ZBTB44: variants seen among roughly 807,000 people sequenced by gnomAD.
The protein encoded by ZBTB44 is zinc finger and BTB domain containing 44, also known as zinc finger and BTB domain-containing protein 44.
A neutral mutation model predicts 54.0 loss-of-function variants in ZBTB44; 15 were observed. That is an observed-to-expected ratio of 0.28 (90% confidence interval 0.19 to 0.43). The LOEUF is 0.43. Ranked by LOEUF, ZBTB44 falls within the 20% of genes least tolerant of loss-of-function variation. The probability of loss-of-function intolerance (pLI) is 1.00; values close to 1 mark genes in which losing one functional copy is unlikely to be tolerated. For synonymous variants in ZBTB44, 230 were observed against 250.1 expected (o/e 0.92, Z 0.76); for missense variants, 487 against 707.1 (o/e 0.69, Z 3.53).
intron 2 of ZBTB44, among the ~76,000 whole-genome samples, chr11:130,258,537 A>G (rs1938610545): frequency 6.6e-6 from 1 of 152,230 alleles, no homozygotes; most frequent in Non-Finnish European, 1.5e-5. Flanking sequence ...GATAAAATCC[A>G]AGCTTACTTG....
At chr11:130,269,883 C>G (rs932423310) in intron 1 of ZBTB44, among the ~76,000 whole-genome samples, 5 of 152,052 alleles carry the variant, frequency 3.3e-5, no homozygotes, top group African/African-American at 4.8e-5. Flanking sequence ...ATAAAGCAAG[C>G]ATTCAATAAA....
chr11:130,289,706 C>A (rs548711134), intron 1 of ZBTB44, among the ~76,000 whole-genome samples: 1 of 152,162 alleles, frequency 6.6e-6, no homozygotes, highest in African/African-American at 2.4e-5. Flanking sequence ...GGAGAGCCAG[C>A]CTAAGGATGG....
intron 1 of ZBTB44, among the ~76,000 whole-genome samples, chr11:130,286,197 A>C (rs958976982): frequency 1.3e-5 from 2 of 152,158 alleles, no homozygotes; most frequent in East Asian, 1.9e-4. Flanking sequence ...AAAAATCACC[A>C]ATGGGCCAGA....
At chr11:130,241,845 T>C (rs889996149) in intron 2 of ZBTB44, among the ~76,000 whole-genome samples, 4 of 152,242 alleles carry the variant, frequency 2.6e-5, no homozygotes, top group African/African-American at 9.6e-5. Flanking sequence ...GTTGACTTTG[T>C]GACCGAATGT....
rs1953848355 is a variant in ZBTB44, at chr11:130,230,760, T to C, written c.*1004A>G. ...AGACCAATATTAATCTCTTTATTTCTGAATGAGATGAAATCACTGACATGT... is the reference window on the plus strand; with the variant it reads ...AGACCAATATTAATCTCTTTATTTCCGAATGAGATGAAATCACTGACATGT... On this transcript the variant is annotated 3_prime_UTR_variant, in exon 8 of 8. Transcript: ENST00000357899. 1 of 152,092 alleles carries C rather than the reference T, an allele frequency of 6.6e-6. No individual in the cohort carries two copies. Among genetic ancestry groups the C allele is most frequent in the Non-Finnish European group, 1.5e-5 (1 of 67,946 alleles). The allele number at this position is 152,092 out of a possible 1,614,324, so 9.4% of individuals were successfully genotyped here.
At position 130,237,111 on chromosome 11, in the gene ZBTB44, C is replaced by A. The variant is rs745408413; in HGVS notation, c.1268-18G>T. On this transcript the variant is annotated intron_variant, in intron 4 of 7. Transcript: ENST00000357899. ...TTTAATTCCTGTAAATAAAGCAAAA[C>A]AAAATATCTAAAAACAAAAATAAAC... is the stretch of plus-strand genomic sequence containing the variant. The A allele has an allele frequency of 2.7e-6, 4 of 1,462,658 alleles. No homozygotes were observed. The highest frequency in any genetic ancestry group is 3.6e-6 in the Non-Finnish European group (4 of 1,102,840). The allele number at this position is 1,462,658 out of a possible 1,614,324, so 90.6% of individuals were successfully genotyped here. A position where few individuals can be genotyped will look rare whatever the true frequency, so the allele number is the denominator to read the frequency against.
chr11:130,296,813 T>C, intron 1 of ZBTB44: 3 of 750,580 alleles, frequency 4.0e-6, no homozygotes, highest in Non-Finnish European at 7.4e-6. Context: ...TATGAGGTTA[T>C]GATTCCCATT....
At chr11:130,288,524 C>T (rs1029360057) in intron 1 of ZBTB44, among the ~76,000 whole-genome samples, 14 of 152,104 alleles carry the variant, frequency 9.2e-5, no homozygotes, top group Non-Finnish European at 1.2e-4. Context: ...TTTAATCTCA[C>T]GTACTCTCTA....
At chr11:130,300,848 A>G (rs1941948801) in intron 1 of ZBTB44, among the ~76,000 whole-genome samples, 1 of 152,220 alleles carries the variant, frequency 6.6e-6, no homozygotes, top group Non-Finnish European at 1.5e-5. Context: ...GTGAGTAAAG[A>G]TAATTCATCA....
At chr11:130,301,473 G>A (rs1941983464) in intron 1 of ZBTB44, among the ~76,000 whole-genome samples, 1 of 152,130 alleles carries the variant, frequency 6.6e-6, no homozygotes, top group African/African-American at 2.4e-5. Context: ...GGGCAACATG[G>A]TAAGATCACG....
At chr11:130,253,638 T>C (rs1938204604) in intron 2 of ZBTB44, among the ~76,000 whole-genome samples, 1 of 152,098 alleles carries the variant, frequency 6.6e-6, no homozygotes, top group South Asian at 2.1e-4. Flanking sequence ...AAAATGGCCA[T>C]ACTGCCCAAG....
chr11:130,296,334 GTCT>G lies in ZBTB44; in HGVS notation c.-57+18038_-57+18040del, dbSNP rs1443872493. ...TAAGAAGAACCGAAAGAAGCTCGTG[GTCT>G]TCTTTTCATCTTGTATGTCCGTGAA... On this transcript the variant is annotated intron_variant, in intron 1 of 7. Transcript: ENST00000357899. 9.2e-6 allele frequency: 14 copies of G among 1,525,764 alleles called. No individual in the cohort carries two copies. The Admixed American group carries it at 2.6e-4, about 29-fold the overall frequency. 94.5% of individuals were successfully genotyped at this position (1,525,764 alleles called of 1,614,324 possible).
chr11:130,250,056 C>T (rs2136349350), intron 2 of ZBTB44, among the ~76,000 whole-genome samples: 1 of 152,306 alleles, frequency 6.6e-6, no homozygotes, highest in South Asian at 2.1e-4. Flanking sequence ...CTGAAGTTGA[C>T]CTGGGACGAT....
Position 130,239,816 on chromosome 11 carries a change from C to A in ZBTB44, c.1099G>T (p.Asp367Tyr). The A allele has an allele frequency of 1.2e-6, 2 of 1,609,930 alleles. No individual in the cohort carries two copies. Among genetic ancestry groups the A allele is most frequent in the South Asian group, 2.2e-5 (2 of 90,680 alleles). ...SSTNAPPDDD[D>Y]RLENVQYPYQ... is the part of the protein sequence containing the mutation. ...AAATGCTATGTTAGTACTGACCGAT[C>A]ATCATCATCCGGAGGAGCATTAGTG... The change falls in exon 3 of 8, where the codon GAT (aspartate) becomes TAT (tyrosine). Residue 367 changes from aspartate (D) to tyrosine (Y), a missense_variant. By Grantham distance (160) the Asp-to-Tyr change is radical. This residue lies in a region of ZBTB44 where 277 missense variants were observed against 306.5 expected (regional missense o/e 0.90). Transcript: ENST00000357899.
intron 1 of ZBTB44, among the ~76,000 whole-genome samples, chr11:130,300,317 A>C (rs1941921524): frequency 6.6e-6 from 1 of 151,908 alleles, no homozygotes; most frequent in African/African-American, 2.4e-5. Context: ...GGCAAATTTT[A>C]TGTTACGTGT....
intron 1 of ZBTB44, among the ~76,000 whole-genome samples, chr11:130,272,421 T>C (rs1199935209): frequency 1.3e-5 from 2 of 152,226 alleles, no homozygotes; most frequent in African/African-American, 4.8e-5. Flanking sequence ...ATCTTCCTTG[T>C]CCATTTGGAG....
chr11:130,231,507 T>TC lies in ZBTB44; in HGVS notation c.*256dup, dbSNP rs1241243518. On this transcript the variant is annotated 3_prime_UTR_variant, in exon 8 of 8. Transcript: ENST00000357899. ...GGAAGGAATACCCAGTGATGGGTAA[T>TC]CCCTCATTCTGAGAACACAGTCAGA... is the stretch of plus-strand genomic sequence containing the variant. The TC allele has an allele frequency of 1.3e-5, 2 of 152,140 alleles. No individual in the cohort carries two copies. The highest frequency in any genetic ancestry group is 2.9e-5 in the Non-Finnish European group (2 of 67,984). The allele number at this position is 152,140 out of a possible 1,614,324, so 9.4% of individuals were successfully genotyped here.
intron 1 of ZBTB44, among the ~76,000 whole-genome samples, chr11:130,291,139 T>G (rs192094904): frequency 0.014 from 2,132 of 147,052 alleles, 26 homozygotes; most frequent in Middle Eastern, 0.024. Context: ...GCCTTTGTTG[T>G]TTTTTTTTTT....
chr11:130,296,583 T>C, intron 1 of ZBTB44: 1 of 917,124 alleles, frequency 1.1e-6, no homozygotes, highest in South Asian at 1.3e-5. Context: ...ATTCATCGTG[T>C]AGGTAGAACA....
Sources: allele counts gnomAD v4.1 joint callset (sites outside exome capture counted in the v4.1 genomes callset), GRCh38; gene constraint gnomAD v4.1.1; regional missense constraint gnomAD v4.1.1; transcripts MANE v1.5; gene names NCBI Gene and HGNC (gene_info 2026-07-23, HGNC 2026-07-21).